RGS12: variants seen among roughly 807,000 people sequenced by gnomAD.
The protein encoded by RGS12 is regulator of G-protein signaling 12.
In RGS12, 66 loss-of-function variants were observed where a neutral mutation model predicts 120.1. The ratio of observed to expected loss-of-function variants is 0.55; its 90% CI spans 0.45 to 0.67. The LOEUF is 0.67. RGS12 is among the 30% of genes least tolerant of loss of function. RGS12 has a pLI of 0.00. For missense variants in RGS12, 1,859 were observed against 1,957.7 expected (o/e 0.95, Z 0.95); for synonymous variants, 827 against 804.7 (o/e 1.03, Z -0.47).
intron 3 of RGS12, among the ~76,000 whole-genome samples, chr4:3,371,097 G>A (rs1190481525): frequency 6.6e-6 from 1 of 152,224 alleles, no homozygotes; most frequent in African/African-American, 2.4e-5. Context: ...GGAGGGGTTG[G>A]GAACAGGAAA....
intron 1 of RGS12, among the ~76,000 whole-genome samples, chr4:3,309,370 AACC>A (rs1724175647): frequency 7.4e-6 from 1 of 135,784 alleles, no homozygotes; most frequent in African/African-American, 3.2e-5. Flanking sequence ...CGCTGAGGGG[AACC>A]GTGCAGGGGA....
In RGS12 at chr4:3,416,126, C is replaced by T; in HGVS notation, c.2427+5C>T. ...TTCAAGGAGCAGCAGCTGCAGGTAA[C>T]CGCAGGCTGTGGGAGCTTGTGGGGA... On this transcript the variant is annotated splice_donor_5th_base_variant and intron_variant, in intron 7 of 17. Coordinates refer to ENST00000336727, the MANE Select transcript of RGS12 (RefSeq NM_001394154.1). The T allele has an allele frequency of 6.2e-7, 1 of 1,613,928 alleles. No homozygotes were observed. The highest frequency in any genetic ancestry group is 8.5e-7 in the Non-Finnish European group (1 of 1,179,954).
Position 3,317,866 on chromosome 4 carries a change from A to G in RGS12, c.1696A>G (p.Ser566Gly), listed in dbSNP as rs1305338962. 5 of 1,613,640 alleles carry G rather than the reference A, an allele frequency of 3.1e-6. No individual in the cohort carries two copies. The Admixed American group carries it at 5.0e-5, about 16-fold the overall frequency. Residue 566 changes from serine to glycine, a missense_variant, in exon 2 of 18, where the codon AGC becomes GGC. Transcript: ENST00000336727. ...CACAGATTCCACCGATGGCTGGTCC[A>G]GCATCAACTGCGGCACACTGCCCCC... ...SYTDSTDGWS[S>G]INCGTLPPPM... is the part of the protein sequence containing the mutation.
At chr4:3,423,332 G>T (rs1355731941) in intron 12 of RGS12, among the ~76,000 whole-genome samples, 183 bp from the exon 13 acceptor site, 1 of 152,218 alleles carries the variant, frequency 6.6e-6, no homozygotes, top group Non-Finnish European at 1.5e-5. Flanking sequence ...GGAGACCATA[G>T]CCCTTGCTTG....
chr4:3,438,200 G>T (rs965100396), intron 17 of RGS12, among the ~76,000 whole-genome samples: 1 of 152,138 alleles, frequency 6.6e-6, no homozygotes, highest in Non-Finnish European at 1.5e-5. Context: ...CCCCATAGGC[G>T]CCTCAAGGCC....
At chr4:3,320,122 C>G (rs1725078444) in intron 2 of RGS12, among the ~76,000 whole-genome samples, 1 of 152,248 alleles carries the variant, frequency 6.6e-6, no homozygotes, top group African/African-American at 2.4e-5. Flanking sequence ...GCACCTTCAC[C>G]TGCTTTCTCC....
At chr4:3,370,163 G>A (rs1368069021) in intron 3 of RGS12, 21 of 1,565,410 alleles carry the variant, frequency 1.3e-5, no homozygotes, top group Non-Finnish European at 1.8e-5. Context: ...GGGAGCGAGA[G>A]GGAACTTCAT....
chr4:3,414,472 A>G (rs1722114507), intron 5 of RGS12: 2 of 604,490 alleles, frequency 3.3e-6, no homozygotes, highest in South Asian at 4.2e-5. Flanking sequence ...CCCGCTCTCT[A>G]CTGGGGTCTC....
the RGS12 span, among the ~76,000 whole-genome samples, chr4:3,286,871 A>AG: frequency 6.6e-6 from 1 of 152,240 alleles, no homozygotes; most frequent in Non-Finnish European, 1.5e-5. Context: ...GAGCCCGGTC[A>AG]GCAGTGCCTG....
intron 4 of RGS12, among the ~76,000 whole-genome samples, chr4:3,409,108 C>T (rs1721456731): frequency 6.6e-6 from 1 of 152,166 alleles, no homozygotes; most frequent in Non-Finnish European, 1.5e-5. Context: ...GTCTGGCACC[C>T]ACACCGCCCC....
intron 17 of RGS12, among the ~76,000 whole-genome samples, chr4:3,437,690 A>G (rs980996404): frequency 2.0e-5 from 3 of 152,072 alleles, no homozygotes; most frequent in Non-Finnish European, 2.9e-5. Flanking sequence ...GCTGCTCCAC[A>G]TGGACCCCTG....
At chr4:3,370,235 A>G (rs780838052) in intron 3 of RGS12, 68 of 1,613,190 alleles carry the variant, frequency 4.2e-5, no homozygotes, top group Non-Finnish European at 5.1e-5. Context: ...TGTGTCTTAG[A>G]CCCGGGTGCC....
intron 4 of RGS12, among the ~76,000 whole-genome samples, chr4:3,395,906 A>T (rs1254485977): frequency 6.6e-6 from 1 of 152,194 alleles, no homozygotes; most frequent in Middle Eastern, 3.2e-3. Flanking sequence ...AAATCTGCAG[A>T]TACTTGAGTC....
intron 2 of RGS12, among the ~76,000 whole-genome samples, chr4:3,320,237 C>T (rs1725086352): frequency 6.6e-6 from 1 of 152,164 alleles, no homozygotes; most frequent in Non-Finnish European, 1.5e-5. Context: ...ATAATGCTGT[C>T]GTCCCCATCC....
rs552451361 is a variant in RGS12, at chr4:3,429,749, G to A, written c.3566-658G>A. Among the ~76,000 whole-genome samples the A allele has an allele frequency of 2.0e-5, 3 of 152,326 alleles. No individual in the cohort carries two copies. In the East Asian group the frequency reaches 5.8e-4, roughly 29 times the overall value. ...AGTGGCTGGGCAGTGGGAGGCCCAGGGGCACCCGTCCTGGCCCCTCGGGGC... is the reference window on the plus strand; with the variant it reads ...AGTGGCTGGGCAGTGGGAGGCCCAGAGGCACCCGTCCTGGCCCCTCGGGGC... On this transcript the variant is annotated intron_variant, in intron 16 of 17. Transcript: ENST00000336727.
intron 10 of RGS12, among the ~76,000 whole-genome samples, chr4:3,421,826 C>T (rs184381661): frequency 2.6e-5 from 4 of 152,348 alleles, no homozygotes; most frequent in Non-Finnish European, 5.9e-5. Context: ...ATGAGGGGCA[C>T]AGATACAGGG....
At chr4:3,400,391 C>G (rs1015440409) in intron 4 of RGS12, among the ~76,000 whole-genome samples, 1 of 152,142 alleles carries the variant, frequency 6.6e-6, no homozygotes, top group African/African-American at 2.4e-5. Flanking sequence ...TTGTGGGGCT[C>G]TCACTTTTCT....
At chr4:3,298,267 C>A (rs970554346) in intron 1 of RGS12, among the ~76,000 whole-genome samples, 1 of 152,168 alleles carries the variant, frequency 6.6e-6, no homozygotes, top group Non-Finnish European at 1.5e-5. Flanking sequence ...TTTTCTCTTT[C>A]TGGAACTTTT....
intron 3 of RGS12, among the ~76,000 whole-genome samples, chr4:3,368,451 T>TGTGTGTGTGA (rs781181622): frequency 9.2e-6 from 1 of 109,076 alleles, no homozygotes; most frequent in Non-Finnish European, 1.8e-5. Flanking sequence ...TGTGTGTGTG[T>TGTGTGTGTGA]GGGGTGCCTT....
Sources: gnomAD v4.1 joint callset for allele counts (sites outside exome capture counted in the v4.1 genomes callset) on GRCh38, gnomAD v4.1.1 for gene constraint, MANE v1.5 for transcripts, NCBI Gene and HGNC (gene_info 2026-07-23, HGNC 2026-07-21) for gene names.